PIEZO2: variants seen among roughly 807,000 people sequenced by gnomAD.
PIEZO2 encodes the protein piezo-type mechanosensitive ion channel component 2.
Under a neutral mutation model 337.3 loss-of-function variants are expected in PIEZO2, and 172 were observed. The observed-to-expected ratio is 0.51, with a 90% confidence interval of 0.45 to 0.58. PIEZO2 has a LOEUF of 0.58. Ranked by LOEUF, PIEZO2 falls within the 20% of genes least tolerant of loss-of-function variation. PIEZO2 has a pLI of 0.00. For synonymous variants in PIEZO2, 1,251 were observed against 1,228.5 expected (o/e 1.02, Z -0.38); for missense variants, 3,028 against 3,391.3 (o/e 0.89, Z 2.66).
At chr18:10,918,157 T>G (rs1286379957) in intron 3 of PIEZO2, among the ~76,000 whole-genome samples, 3 of 152,182 alleles carry the variant, frequency 2.0e-5, no homozygotes, top group Non-Finnish European at 4.4e-5. Context: ...AATGAGTAAT[T>G]TCAGCCTTTT....
rs2143511032 is a variant in PIEZO2, at chr18:10,682,253, C to A, written c.7537G>T (p.Val2513Leu). The A allele has an allele frequency of 6.5e-7, 1 of 1,537,186 alleles. No homozygotes were observed. The highest frequency in any genetic ancestry group is 8.7e-7 in the Non-Finnish European group (1 of 1,146,862). The change falls in exon 50 of 56, where the codon GTG (valine) becomes TTG (leucine). Residue 2513 changes from valine (V) to leucine (L), a missense_variant. Val to Leu is a conservative substitution (Grantham distance 32). This residue lies in a region of PIEZO2 where 179 missense variants were observed against 281.8 expected (regional missense o/e 0.64). Transcript: ENST00000674853. This position sits in a 1 kb window ranked among gnomAD's most constrained non-coding sequence, Gnocchi z 5.6. ...ATCATTCCTCCCATGCCATACTTCACCACTTTCTTCTTCTTCTGGCCCCGT... is the reference window on the plus strand; with the variant it reads ...ATCATTCCTCCCATGCCATACTTCAACACTTTCTTCTTCTTCTGGCCCCGT... ...QPRGQKKKKV[V>L]KYGMGGMIIV... is the part of the protein sequence containing the mutation.
chr18:10,857,497 T>C (rs555838966), intron 5 of PIEZO2, among the ~76,000 whole-genome samples: 2 of 152,156 alleles, frequency 1.3e-5, no homozygotes, highest in South Asian at 4.2e-4. Context: ...GAAGAAACTC[T>C]CTGAAACATC....
chr18:10,937,581 G>C (rs2032475018), intron 3 of PIEZO2, among the ~76,000 whole-genome samples: 2 of 152,182 alleles, frequency 1.3e-5, no homozygotes, highest in Admixed American at 6.5e-5. Flanking sequence ...AAAGCTCCAT[G>C]TAACAGGTGA....
chr18:11,088,850 C>G (rs1337770853), intron 1 of PIEZO2, among the ~76,000 whole-genome samples: 4 of 152,222 alleles, frequency 2.6e-5, no homozygotes, highest in Non-Finnish European at 4.4e-5. Flanking sequence ...ACCAAGGGGG[C>G]TCATGGTCTG....
chr18:10,726,652 G>A lies in PIEZO2; in HGVS notation c.5029+4755C>T. The A allele has an allele frequency of 2.1e-6, 3 of 1,416,510 alleles. No homozygotes were observed. The highest frequency in any genetic ancestry group is 1.3e-5 in the South Asian group (1 of 74,930). The allele number at this position is 1,416,510 out of a possible 1,614,324, so 87.7% of individuals were successfully genotyped here. A position where few individuals can be genotyped will look rare whatever the true frequency, so the allele number is the denominator to read the frequency against. On this transcript the variant is annotated intron_variant, in intron 36 of 55. Coordinates refer to ENST00000674853, the MANE Select transcript of PIEZO2 (RefSeq NM_001378183.1). This position sits in a 1 kb window ranked among gnomAD's most constrained non-coding sequence, Gnocchi z 5.9. ...GGAGTACTGCGCGCGCGCCAAGCGC[G>A]GCCAGACAGACACCTCGCTGCCAAG...
chr18:10,684,072 TCCTTTTTC>T (rs1197206256), intron 49 of PIEZO2, among the ~76,000 whole-genome samples: 1 of 126,358 alleles, frequency 7.9e-6, no homozygotes, highest in South Asian at 3.6e-4. Flanking sequence ...CTTCCTTCCT[TCCTTTTTC>T]CTTCCTTCCT....
intron 2 of PIEZO2, among the ~76,000 whole-genome samples, chr18:11,054,126 G>A (rs80312784): frequency 0.035 from 5,275 of 152,244 alleles, 305 homozygotes; most frequent in African/African-American, 0.12. Flanking sequence ...TTTAATGCAG[G>A]ACAATCTCAA....
intron 3 of PIEZO2, among the ~76,000 whole-genome samples, chr18:10,938,162 C>T (rs1598720623): frequency 6.6e-6 from 1 of 152,268 alleles, no homozygotes. Flanking sequence ...ATCAGAAGAC[C>T]TGTGGTTACA....
chr18:10,863,455 A>G lies in PIEZO2; in HGVS notation c.493-6244T>C, dbSNP rs1299895412. On this transcript the variant is annotated intron_variant, in intron 5 of 55. Coordinates refer to ENST00000674853, the MANE Select transcript of PIEZO2 (RefSeq NM_001378183.1). This position sits in a 1 kb window ranked among gnomAD's most constrained non-coding sequence, Gnocchi z 4.3. ...AGTCCCTATTTCATTTGGAAAAGTG[A>G]GTGTATAGATGTTGCTTTCAACCAC... 2.6e-5 allele frequency among the ~76,000 whole-genome samples: 4 copies of G among 152,244 alleles called. No homozygotes were observed. The highest frequency in any genetic ancestry group is 5.9e-5 in the Non-Finnish European group (4 of 68,044).
At chr18:10,891,147 A>T (rs1043955634) in intron 4 of PIEZO2, among the ~76,000 whole-genome samples, 3 of 152,258 alleles carry the variant, frequency 2.0e-5, no homozygotes, top group Admixed American at 2.0e-4. Flanking sequence ...AACATGGTGA[A>T]ACCCTGTCTC....
chr18:10,965,574 T>C (rs2033964290), intron 3 of PIEZO2, among the ~76,000 whole-genome samples: 1 of 152,214 alleles, frequency 6.6e-6, no homozygotes, highest in African/African-American at 2.4e-5. Context: ...TACAAGCATG[T>C]TGATGAACAA....
rs748057002 is a variant in PIEZO2, at chr18:10,952,725, T to C, written c.286+26810A>G. 6.6e-6 allele frequency among the ~76,000 whole-genome samples: 1 copy of C among 152,228 alleles called. No homozygotes were observed. Among genetic ancestry groups the C allele is most frequent in the Non-Finnish European group, 1.5e-5 (1 of 68,032 alleles). The stretch of plus-strand genomic sequence containing the variant: ...CACCCAGTGGGATTCCTGGACTGAA[T>C]AGTAAGTATATGGTCAAATTTATAA... On this transcript the variant is annotated intron_variant, in intron 3 of 55. Coordinates refer to ENST00000674853, the MANE Select transcript of PIEZO2 (RefSeq NM_001378183.1). This position sits in a 1 kb window ranked among gnomAD's most constrained non-coding sequence, Gnocchi z 4.1.
At chr18:10,912,249 G>A (rs2030547184) in intron 3 of PIEZO2, among the ~76,000 whole-genome samples, 1 of 152,006 alleles carries the variant, frequency 6.6e-6, no homozygotes, top group Admixed American at 6.6e-5. Context: ...CCTGATATAA[G>A]GAAAAGTGCT....
At chr18:10,970,325 C>T (rs1428109410) in intron 3 of PIEZO2, among the ~76,000 whole-genome samples, 1 of 152,144 alleles carries the variant, frequency 6.6e-6, no homozygotes, top group Admixed American at 6.5e-5. Context: ...GAGATGAGAA[C>T]CATGGGGTAG....
chr18:10,699,088 C>T lies in PIEZO2; in HGVS notation c.6531G>A (p.Arg2177=). Residue 2177 remains arginine, a synonymous_variant, in exon 44 of 56, where the codon AGG becomes AGA. Transcript: ENST00000674853. ...ACTTGAGAGAATCGGAGGAGTCCCT[C>T]CTGCCATGACCGAGGGAGAGCTCAT... ...SDDELSLGHG[R]RDSSDSLKSI... is the part of the protein sequence containing the mutation. 1 of 1,537,248 alleles carries T rather than the reference C, an allele frequency of 6.5e-7. No homozygotes were observed. Among genetic ancestry groups the T allele is most frequent in the East Asian group, 2.4e-5 (1 of 40,914 alleles).
At chr18:11,082,075 T>C (rs1267575239) in intron 1 of PIEZO2, among the ~76,000 whole-genome samples, 1 of 152,064 alleles carries the variant, frequency 6.6e-6, no homozygotes. Context: ...TTCAGTTCTT[T>C]TTCTTTCTCC....
chr18:10,850,175 GGATAAAAGTA>G lies in PIEZO2; in HGVS notation c.917+5168_917+5177del. ...GAATCACTAATTCTCACCCTCTCCT[GGATAAAAGTA>G]ATGCAAAAACTCAACCACATGTGCA... On this transcript the variant is annotated intron_variant, in intron 7 of 55. Coordinates refer to ENST00000674853, the MANE Select transcript of PIEZO2 (RefSeq NM_001378183.1). The surrounding 1 kb of genome is among the most constrained non-coding windows in gnomAD (Gnocchi z 4.5). 1.3e-5 allele frequency among the ~76,000 whole-genome samples: 2 copies of G among 152,240 alleles called. No homozygotes were observed. Among genetic ancestry groups the G allele is most frequent in the Middle Eastern group, 3.4e-3 (1 of 294 alleles).
Position 10,739,091 on chromosome 18 carries a change from T to C in PIEZO2, c.4708+1940A>G, listed in dbSNP as rs373124787. 2.2e-4 allele frequency: 34 copies of C among 152,342 alleles called. 2 individuals carry two copies. Among genetic ancestry groups the C allele is most frequent in the African/African-American group, 8.2e-4 (34 of 41,582 alleles). The allele number at this position is 152,342 out of a possible 1,614,324, so 9.4% of individuals were successfully genotyped here. ...AAATTAAGGGCTTCCAACAAAGTAC[T>C]TCCAGATCTAAAGATAAATTCTGGA... On this transcript the variant is annotated intron_variant, in intron 33 of 55. Transcript: ENST00000674853.
At chr18:11,071,945 C>T (rs2038355074) in intron 1 of PIEZO2, among the ~76,000 whole-genome samples, 1 of 152,080 alleles carries the variant, frequency 6.6e-6, no homozygotes, top group South Asian at 2.1e-4. Context: ...CCACCCGTGC[C>T]CATCCTGCGC....
Sources: gnomAD v4.1 joint callset for allele counts (sites outside exome capture counted in the v4.1 genomes callset) on GRCh38, gnomAD v4.1.1 for gene constraint, gnomAD v4.1.1 regional missense constraint, Gnocchi (gnomAD v3.1) non-coding constraint, MANE v1.5 for transcripts, NCBI Gene and HGNC (gene_info 2026-07-23, HGNC 2026-07-21) for gene names.